The following MIPOL1 variants were observed in gnomAD, a reference collection of about 807,000 sequenced individuals.
The protein encoded by MIPOL1 is mirror-image polydactyly gene 1 protein.
MIPOL1 carries 57 observed loss-of-function variants against 60.9 expected under a neutral mutation model. That is an observed-to-expected ratio of 0.94 (90% CI 0.76 to 1.17). MIPOL1 has a LOEUF of 1.17. Ranked by LOEUF, MIPOL1 falls within the 50% of genes most tolerant of loss-of-function variation. MIPOL1 has a pLI of 0.00. For missense variants in MIPOL1, 551 were observed against 511.6 expected, an observed-to-expected ratio of 1.08 and a Z score of -0.74; for synonymous variants, 179 against 168.8, an observed-to-expected ratio of 1.06 and a Z score of -0.47.
chr14:37,253,562 A>G (rs904990432), intron 3 of MIPOL1, among the ~76,000 whole-genome samples: 5 of 151,816 alleles, frequency 3.3e-5, no homozygotes, highest in African/African-American at 1.2e-4. Context: ...TGGTTGACAA[A>G]TTTAGAGGAC....
chr14:37,283,091 A>G (rs2084261627), intron 6 of MIPOL1, among the ~76,000 whole-genome samples: 1 of 151,174 alleles, frequency 6.6e-6, no homozygotes, highest in South Asian at 2.1e-4. Context: ...TTGTTTTGAG[A>G]GTCTCATTCT....
intron 3 of MIPOL1, among the ~76,000 whole-genome samples, chr14:37,260,170 C>T (rs1314138833): frequency 2.0e-5 from 3 of 150,790 alleles, no homozygotes; most frequent in Non-Finnish European, 4.4e-5. Flanking sequence ...CTTTGGAAGG[C>T]CAAGGTGGGA....
intron 11 of MIPOL1, among the ~76,000 whole-genome samples, chr14:37,425,842 T>G (rs981645472): frequency 6.6e-6 from 1 of 152,182 alleles, no homozygotes; most frequent in Non-Finnish European, 1.5e-5. Context: ...TCCTTTACAT[T>G]GGAAATTCGG....
intron 12 of MIPOL1, among the ~76,000 whole-genome samples, chr14:37,537,534 T>C (rs1350028884): frequency 6.6e-6 from 1 of 152,200 alleles, no homozygotes; most frequent in African/African-American, 2.4e-5. Context: ...TTGAGTTTTC[T>C]ATTAATAAGA....
intron 1 of MIPOL1, among the ~76,000 whole-genome samples, chr14:37,238,425 A>G (rs527363860): frequency 2.2e-4 from 34 of 152,286 alleles, no homozygotes; most frequent in African/African-American, 7.9e-4. Flanking sequence ...TAGTGAAACA[A>G]ACTTCCCTCA....
At chr14:37,224,588 G>A (rs868446060) in intron 1 of MIPOL1, among the ~76,000 whole-genome samples, 16 of 152,032 alleles carry the variant, frequency 1.1e-4, no homozygotes, top group African/African-American at 3.9e-4. Flanking sequence ...ACAGTATGGG[G>A]GAAACCACCC....
At chr14:37,523,116 A>G (rs957614305) in intron 12 of MIPOL1, among the ~76,000 whole-genome samples, 8 of 152,192 alleles carry the variant, frequency 5.3e-5, no homozygotes, top group African/African-American at 1.9e-4. Context: ...ATTTATGTTA[A>G]CAGTCATGTC....
intron 10 of MIPOL1, among the ~76,000 whole-genome samples, chr14:37,397,976 GTTCTGGCCAGGAGGC>G (rs999871951): frequency 6.6e-6 from 1 of 152,148 alleles, no homozygotes; most frequent in African/African-American, 2.4e-5. Context: ...CCTCCTGTGA[GTTCTGGCCAGGAGGC>G]TTCTTGCCCC....
At chr14:37,391,838 A>G (rs2093251770) in intron 10 of MIPOL1, among the ~76,000 whole-genome samples, 1 of 152,186 alleles carries the variant, frequency 6.6e-6, no homozygotes, top group Non-Finnish European at 1.5e-5. Flanking sequence ...GAAGTGATAT[A>G]TTTATATTAG....
intron 10 of MIPOL1, among the ~76,000 whole-genome samples, chr14:37,413,499 G>A (rs965037326): frequency 1.3e-5 from 2 of 152,132 alleles, no homozygotes; most frequent in East Asian, 1.9e-4. Flanking sequence ...CACTTAAAAG[G>A]ATACTTGTGA....
At chr14:37,427,812 G>C (rs2093990871) in intron 11 of MIPOL1, among the ~76,000 whole-genome samples, 1 of 152,106 alleles carries the variant, frequency 6.6e-6, no homozygotes. Flanking sequence ...TTACAAATCT[G>C]TATGTGAAAC....
intron 12 of MIPOL1, among the ~76,000 whole-genome samples, chr14:37,538,713 T>A (rs1041598791): frequency 1.3e-5 from 2 of 152,152 alleles, no homozygotes; most frequent in Non-Finnish European, 2.9e-5. Context: ...CTGAACAAGG[T>A]CTCAGGAGGC....
At chr14:37,440,501 C>G (rs2094225225) in intron 11 of MIPOL1, among the ~76,000 whole-genome samples, 1 of 152,000 alleles carries the variant, frequency 6.6e-6, no homozygotes, top group African/African-American at 2.4e-5. Flanking sequence ...TTTTTAGCAC[C>G]CAGTTATGAA....
At chr14:37,336,841 A>G (rs1015706628) in intron 9 of MIPOL1, among the ~76,000 whole-genome samples, 1 of 151,560 alleles carries the variant, frequency 6.6e-6, no homozygotes, top group Non-Finnish European at 1.5e-5. Context: ...GCTCACTGCA[A>G]CCTCCACCTC....
intron 11 of MIPOL1, among the ~76,000 whole-genome samples, chr14:37,432,156 T>A (rs2094082444): frequency 6.6e-6 from 1 of 152,194 alleles, no homozygotes; most frequent in Non-Finnish European, 1.5e-5. Flanking sequence ...ACATCATAAT[T>A]TAAGTAACAG....
chr14:37,332,680 A>G (rs2089806202), intron 9 of MIPOL1, among the ~76,000 whole-genome samples: 1 of 95,648 alleles, frequency 1.0e-5, no homozygotes, highest in Non-Finnish European at 2.1e-5. Context: ...TTATAGGATG[A>G]ATTATCCGAA....
In MIPOL1 at chr14:37,521,910, ATTT is replaced by A. The variant is rs34333538; in HGVS notation, c.1262+21780_1262+21782del. Among the ~76,000 whole-genome samples, 4 of 132,772 alleles carry A rather than the reference ATTT, an allele frequency of 3.0e-5. 1 individual carries two copies. In the South Asian group the frequency reaches 1.0e-3, roughly 34 times the overall value. The allele number at this position is 132,772 out of a possible 152,430, so 87.1% of individuals were successfully genotyped here. Reference sequence around the variant, plus strand: ...GAAAAAAAAATATATATATATATATATTTTTTTTTTCTTTGGCTTCAAAAATAA... The same window carrying A: ...GAAAAAAAAATATATATATATATATATTTTTTTCTTTGGCTTCAAAAATAA... On this transcript the variant is annotated intron_variant, in intron 12 of 12. Coordinates refer to ENST00000684589, the MANE Select transcript of MIPOL1 (RefSeq NM_001388067.1).
intron 11 of MIPOL1, among the ~76,000 whole-genome samples, chr14:37,433,717 G>A (rs553606735): frequency 2.6e-4 from 39 of 152,024 alleles, no homozygotes; most frequent in African/African-American, 5.3e-4. Flanking sequence ...CACCATGCCC[G>A]GCTAATTTTT....
At chr14:37,434,324 G>C (rs886198027) in intron 11 of MIPOL1, 3 of 152,090 alleles carry the variant, frequency 2.0e-5, no homozygotes, top group Non-Finnish European at 2.9e-5. Flanking sequence ...GGCCACATAA[G>C]TGTCTTCTTT....
Sources: allele counts gnomAD v4.1 joint callset (sites outside exome capture counted in the v4.1 genomes callset), GRCh38; gene constraint gnomAD v4.1.1; transcripts MANE v1.5; gene names NCBI Gene and HGNC (gene_info 2026-07-23, HGNC 2026-07-21).